The following ELMO1 variants were observed in gnomAD, a reference collection of about 807,000 sequenced individuals.
The protein encoded by ELMO1 is engulfment and cell motility protein 1.
A neutral mutation model predicts 98.9 loss-of-function variants in ELMO1; 26 were observed. The ratio of observed to expected loss-of-function variants is 0.26; its 90% CI spans 0.19 to 0.36. ELMO1 has a LOEUF of 0.36. Among genes scored for constraint, ELMO1 ranks in the 10% least tolerant of loss-of-function variants. ELMO1 has a pLI of 1.00. For missense variants in ELMO1, 627 were observed against 935.2 expected, an observed-to-expected ratio of 0.67 and a Z score of 4.30; for synonymous variants, 346 against 346.0, an observed-to-expected ratio of 1.00 and a Z score of 0.00.
At chr7:37,421,894 G>C (rs756753131) in intron 1 of ELMO1, among the ~76,000 whole-genome samples, 14 of 152,180 alleles carry the variant, frequency 9.2e-5, no homozygotes, top group Non-Finnish European at 1.8e-4. Flanking sequence ...TGAACCACAA[G>C]AAGCTGGGGC....
At chr7:37,297,064 TAAG>T (rs61080941) in intron 4 of ELMO1, among the ~76,000 whole-genome samples, 52,905 of 151,748 alleles carry the variant, frequency 0.35, 10,309 homozygotes, top group Middle Eastern at 0.53. Context: ...ACATATTTTA[TAAG>T]AAGTGTAAAT....
chr7:36,995,151 A>T (rs1792115213), intron 16 of ELMO1, among the ~76,000 whole-genome samples: 1 of 152,186 alleles, frequency 6.6e-6, no homozygotes, highest in Non-Finnish European at 1.5e-5. Flanking sequence ...AATTAATCAC[A>T]CTATGCAGAA....
Position 36,894,783 on chromosome 7 carries a change from G to T in ELMO1, c.1601+71C>A, listed in dbSNP as rs950246342. The T allele has an allele frequency of 5.0e-6, 8 of 1,591,896 alleles. No individual in the cohort carries two copies. In the Admixed American group the frequency reaches 1.2e-4, roughly 23 times the overall value. On this transcript the variant is annotated intron_variant, in intron 17 of 21. Transcript: ENST00000310758. ...AGCTCACAACACAGCCCAGCTTCATGACAGGCGGTCATTCTAGAAATAGTG... is the reference window on the plus strand; with the variant it reads ...AGCTCACAACACAGCCCAGCTTCATTACAGGCGGTCATTCTAGAAATAGTG...
At chr7:37,352,358 T>C (rs77020101) in intron 1 of ELMO1, among the ~76,000 whole-genome samples, 3,616 of 152,314 alleles carry the variant, frequency 0.024, 57 homozygotes, top group Non-Finnish European at 0.032. Context: ...TGCTGCAGCC[T>C]CCCAAAGTAC....
rs117268859 is a variant in ELMO1 at position 37,345,570 on chromosome 7, G to A, written c.-73-2807C>T. ...ACTAAAAAATACAAAAATTAGCCTG[G>A]CGTGGTGGTGCTTGTAATCGCAGCT... is the stretch of plus-strand genomic sequence containing the variant. On this transcript the variant is annotated intron_variant, in intron 1 of 21. Transcript: ENST00000310758. Among the ~76,000 whole-genome samples the A allele has an allele frequency of 5.8e-3, 881 of 152,246 alleles. 4 individuals are homozygous for A. Among genetic ancestry groups the A allele is most frequent in the Admixed American group, 8.1e-3 (124 of 15,290 alleles).
rs185734856 is a variant in ELMO1, at chr7:37,397,097, G to A, written c.-74+51578C>T. Among the ~76,000 whole-genome samples the A allele has an allele frequency of 1.5e-3, 223 of 152,322 alleles. 1 individual carries two copies. Among genetic ancestry groups the A allele is most frequent in the Non-Finnish European group, 1.6e-3 (107 of 68,028 alleles). On this transcript the variant is annotated intron_variant, in intron 1 of 21. Coordinates refer to ENST00000310758, the MANE Select transcript of ELMO1 (RefSeq NM_014800.11). Reference sequence around the variant, plus strand: ...ACTGGCTGGAATATAGACAGCCACAGTCGTAAACTGTAATGAACAGGTTAG... The same window carrying A: ...ACTGGCTGGAATATAGACAGCCACAATCGTAAACTGTAATGAACAGGTTAG...
intron 15 of ELMO1, among the ~76,000 whole-genome samples, chr7:37,023,818 A>T (rs1794415867): frequency 6.6e-6 from 1 of 152,070 alleles, no homozygotes; most frequent in Non-Finnish European, 1.5e-5. Context: ...TCCTGACCTC[A>T]AGTGATCTGC....
intron 18 of ELMO1, among the ~76,000 whole-genome samples, chr7:36,879,259 A>G (rs1804226838): frequency 6.6e-6 from 1 of 152,220 alleles, no homozygotes; most frequent in Non-Finnish European, 1.5e-5. Context: ...TCTGACACAT[A>G]AAAGTTGCAC....
chr7:37,121,448 A>T (rs1003544713), intron 14 of ELMO1, among the ~76,000 whole-genome samples: 9 of 152,258 alleles, frequency 5.9e-5, no homozygotes, highest in African/African-American at 2.2e-4. Context: ...ATGGAGCTGA[A>T]AACCATGGCA....
intron 1 of ELMO1, among the ~76,000 whole-genome samples, chr7:37,404,476 G>A (rs1389726960): frequency 2.6e-5 from 4 of 152,114 alleles, no homozygotes; most frequent in Non-Finnish European, 5.9e-5. Flanking sequence ...CTTTGATATT[G>A]ACATATCTGA....
intron 13 of ELMO1, among the ~76,000 whole-genome samples, chr7:37,178,263 G>A (rs1026692367): frequency 2.6e-5 from 4 of 151,962 alleles, no homozygotes; most frequent in African/African-American, 4.8e-5. Flanking sequence ...GGCAAGGAGA[G>A]AATAAGAACC....
intron 7 of ELMO1, among the ~76,000 whole-genome samples, chr7:37,235,290 C>G (rs946806986): frequency 1.4e-4 from 22 of 151,870 alleles, no homozygotes; most frequent in African/African-American, 4.8e-4. Context: ...AAAATAAGAG[C>G]CAGGAAATAA....
intron 4 of ELMO1, among the ~76,000 whole-genome samples, chr7:37,299,405 T>C (rs12670508): frequency 0.9 from 118,252 of 131,950 alleles, 53,219 homozygotes; most frequent in Non-Finnish European, 0.94. Flanking sequence ...TGGTTTTAGG[T>C]CTAACGTTTA....
chr7:36,900,129 G>A (rs1806379861), intron 16 of ELMO1, among the ~76,000 whole-genome samples: 1 of 152,190 alleles, frequency 6.6e-6, no homozygotes, highest in South Asian at 2.1e-4. Context: ...CCAGCAATCT[G>A]TGTTAACAGC....
intron 20 of ELMO1, among the ~76,000 whole-genome samples, chr7:36,866,797 G>A (rs1803064567): frequency 6.6e-6 from 1 of 152,120 alleles, no homozygotes; most frequent in Non-Finnish European, 1.5e-5. Context: ...GACCTCTTAT[G>A]AACACATTCT....
chr7:37,130,207 C>G (rs1310067417), intron 14 of ELMO1, among the ~76,000 whole-genome samples: 1 of 152,138 alleles, frequency 6.6e-6, no homozygotes, highest in Admixed American at 6.5e-5. Flanking sequence ...CCCCCCACCC[C>G]ACCACCACCA....
chr7:37,276,913 C>A (rs1386250254), intron 4 of ELMO1, among the ~76,000 whole-genome samples: 1 of 152,274 alleles, frequency 6.6e-6, no homozygotes, highest in African/African-American at 2.4e-5. Flanking sequence ...GAGCAGCCCT[C>A]GGAGCATCAA....
intron 16 of ELMO1, among the ~76,000 whole-genome samples, chr7:36,978,878 A>G (rs915131880): frequency 6.6e-6 from 1 of 152,240 alleles, no homozygotes; most frequent in Admixed American, 6.5e-5. Flanking sequence ...TTGAAGCATA[A>G]TAGTAAGCCC....
At chr7:37,102,558 C>G (rs1784697466) in intron 14 of ELMO1, among the ~76,000 whole-genome samples, 1 of 152,186 alleles carries the variant, frequency 6.6e-6, no homozygotes, top group African/African-American at 2.4e-5. Context: ...TTAGGGATGC[C>G]ATCAAGATGG....
Sources: allele counts gnomAD v4.1 joint callset (sites outside exome capture counted in the v4.1 genomes callset), GRCh38; gene constraint gnomAD v4.1.1; transcripts MANE v1.5; gene names NCBI Gene and HGNC (gene_info 2026-07-23, HGNC 2026-07-21).